Variants in IPO9 observed in about 807,000 individuals in gnomAD.
The protein encoded by IPO9 is importin 9.
Under a neutral mutation model 128.6 loss-of-function variants are expected in IPO9, and 28 were observed. That is an observed-to-expected ratio of 0.22 (90% CI 0.16 to 0.30). The LOEUF (loss-of-function observed/expected upper bound fraction) is 0.30. IPO9 is among the 10% of genes least tolerant of loss of function. IPO9 has a pLI of 1.00. For missense variants in IPO9, 935 were observed against 1,293.9 expected, an observed-to-expected ratio of 0.72 and a Z score of 4.26; for synonymous variants, 455 against 475.8, an observed-to-expected ratio of 0.96 and a Z score of 0.57.
intron 1 of IPO9, among the ~76,000 whole-genome samples, chr1:201,832,113 G>A (rs1282417771): frequency 6.6e-6 from 1 of 151,516 alleles, no homozygotes; most frequent in Non-Finnish European, 1.5e-5. Flanking sequence ...TGTTGGCCAG[G>A]TTGTCTCGAA....
rs756455517 is a variant in IPO9, at chr1:201,872,818, TC to T, written c.2577-8del. 52 of 1,604,352 alleles carry T rather than the reference TC, an allele frequency of 3.2e-5. No individual in the cohort carries two copies. Among genetic ancestry groups the T allele is most frequent in the Non-Finnish European group, 4.1e-5 (48 of 1,175,462 alleles). On this transcript the variant is annotated splice_polypyrimidine_tract_variant and intron_variant, in intron 19 of 23. Coordinates refer to ENST00000361565, the MANE Select transcript of IPO9 (RefSeq NM_018085.5). The stretch of plus-strand genomic sequence containing the variant: ...GGCTGATTGACCTTTTTTTGGATCT[TC>T]CTTGCCAGCTCTGTGGCACTCTGTA...
At chr1:201,866,666 G>GT in intron 14 of IPO9, 67 bp from the exon 15 acceptor site, 1 of 1,206,602 alleles carries the variant, frequency 8.3e-7, no homozygotes, top group Non-Finnish European at 1.2e-6. Context: ...TATAATATGT[G>GT]AGATTGATTG....
At chr1:201,839,765 A>C (rs1363237334) in intron 1 of IPO9, among the ~76,000 whole-genome samples, 2 of 152,086 alleles carry the variant, frequency 1.3e-5, no homozygotes, top group African/African-American at 4.8e-5. Flanking sequence ...TCTAAATATG[A>C]CTCAAGATCC....
In IPO9 at chr1:201,829,157, G is replaced by A; in HGVS notation, c.-53G>A. ...CGCGGATTGGCCGCGCGCGGGGGCC[G>A]TCATTCGGTGGCGGGTCCCGGCCGC... is the stretch of plus-strand genomic sequence containing the variant. On this transcript the variant is annotated 5_prime_UTR_variant, in exon 1 of 24. Coordinates refer to ENST00000361565, the MANE Select transcript of IPO9 (RefSeq NM_018085.5). 7.1e-7 allele frequency: 1 copy of A among 1,403,810 alleles called. No individual in the cohort carries two copies. The highest frequency in any genetic ancestry group is 9.2e-7 in the Non-Finnish European group (1 of 1,083,480). The allele number at this position is 1,403,810 out of a possible 1,614,324, so 87.0% of individuals were successfully genotyped here. A position where few individuals can be genotyped will look rare whatever the true frequency, so the allele number is the denominator to read the frequency against.
Position 201,884,170 on chromosome 1 carries a change from G to A in IPO9, c.*8116G>A, listed in dbSNP as rs1396402657. The A allele has an allele frequency of 6.6e-6, 1 of 152,240 alleles. No individual in the cohort carries two copies. The highest frequency in any genetic ancestry group is 1.5e-5 in the Non-Finnish European group (1 of 68,054). 9.4% of individuals were successfully genotyped at this position (152,240 alleles called of 1,614,324 possible). On this transcript the variant is annotated 3_prime_UTR_variant, in exon 24 of 24. Transcript: ENST00000361565. ...CCCTGGCTTTGCCACTTGCCTGTTG[G>A]GTGACTTTGGACAAGCTGCTTAAAT...
chr1:201,832,166 G>T (rs1426217013), intron 1 of IPO9, among the ~76,000 whole-genome samples: 1 of 151,928 alleles, frequency 6.6e-6, no homozygotes, highest in Non-Finnish European at 1.5e-5. Context: ...CTCCCAAAGT[G>T]CTGGGATTAC....
chr1:201,853,132 G>A, intron 6 of IPO9, 35 bp downstream of exon 6: 1 of 1,568,522 alleles, frequency 6.4e-7, no homozygotes, highest in Non-Finnish European at 8.8e-7. Context: ...CAGACTTCAT[G>A]CTTAAAAGTT....
At chr1:201,861,059 A>G (rs983417334) in intron 13 of IPO9, among the ~76,000 whole-genome samples, 20 of 152,130 alleles carry the variant, frequency 1.3e-4, no homozygotes, top group Admixed American at 1.2e-3. Context: ...CCAGCTACTC[A>G]GGAGGCTGAG....
Position 201,852,409 on chromosome 1 carries a change from A to G in IPO9, c.603+217A>G, listed in dbSNP as rs944995153. On this transcript the variant is annotated intron_variant, in intron 5 of 23. Coordinates refer to ENST00000361565, the MANE Select transcript of IPO9 (RefSeq NM_018085.5). ...TGAAATAGCTGAAATATTTCTTCACATATCGTACTTCCTGGCATCCAGTAG... is the reference window on the plus strand; with the variant it reads ...TGAAATAGCTGAAATATTTCTTCACGTATCGTACTTCCTGGCATCCAGTAG... Among the ~76,000 whole-genome samples, 3 of 152,348 alleles carry G rather than the reference A, an allele frequency of 2.0e-5. No homozygotes were observed. In the East Asian group the frequency reaches 5.8e-4, roughly 29 times the overall value.
chr1:201,864,778 T>C (rs1265144007), intron 14 of IPO9, among the ~76,000 whole-genome samples: 8 of 152,374 alleles, frequency 5.3e-5, no homozygotes, highest in African/African-American at 1.9e-4. Flanking sequence ...ACTTTCATTC[T>C]CTGTTATATA....
In IPO9 at chr1:201,854,681, A is replaced by G. The variant is rs1262718010; in HGVS notation, c.777A>G (p.Thr259=). The part of the protein sequence containing the change: ...VQALQIPDGP[T]SDSGFKMEVL... ...CCCTCCAGATACCAGATGGCCCCACATCTGACAGTGGGTTTAAGATGGAGG... is the reference window on the plus strand; with the variant it reads ...CCCTCCAGATACCAGATGGCCCCACGTCTGACAGTGGGTTTAAGATGGAGG... The change falls in exon 7 of 24, where the codon ACA becomes ACG. Residue 259 remains threonine, a synonymous_variant. Coordinates refer to ENST00000361565, the MANE Select transcript of IPO9 (RefSeq NM_018085.5). 2.5e-6 allele frequency: 4 copies of G among 1,614,248 alleles called. No individual in the cohort carries two copies. Among genetic ancestry groups the G allele is most frequent in the Non-Finnish European group, 1.7e-6 (2 of 1,180,034 alleles).
At chr1:201,866,244 GC>G (rs1000633569) in intron 14 of IPO9, among the ~76,000 whole-genome samples, 1 of 151,906 alleles carries the variant, frequency 6.6e-6, no homozygotes, top group Non-Finnish European at 1.5e-5. Context: ...ACCTGCCTTG[GC>G]CCCCCAAAGT....
rs186044304 is a variant in IPO9, at chr1:201,881,033, T to G, written c.*4979T>G. On this transcript the variant is annotated 3_prime_UTR_variant, in exon 24 of 24. Coordinates refer to ENST00000361565, the MANE Select transcript of IPO9 (RefSeq NM_018085.5). ...TGGGTTTATTGGGATGTAGCCCCAT[T>G]ATAAGCTGAAAAGCATCTGTAGTAT... The G allele has an allele frequency of 9.2e-5, 14 of 152,334 alleles. No individual in the cohort carries two copies. Among genetic ancestry groups the G allele is most frequent in the Non-Finnish European group, 1.5e-4 (10 of 68,032 alleles). The allele number at this position is 152,334 out of a possible 1,614,324, so 9.4% of individuals were successfully genotyped here.
In IPO9 at chr1:201,848,676, C is replaced by G. The variant is rs1680163029; in HGVS notation, c.514+82C>G. The G allele has an allele frequency of 4.4e-6, 6 of 1,358,918 alleles. No homozygotes were observed. The South Asian group carries it at 7.2e-5, about 16-fold the overall frequency. 84.2% of individuals were successfully genotyped at this position (1,358,918 alleles called of 1,614,324 possible). On this transcript the variant is annotated intron_variant, in intron 4 of 23. Transcript: ENST00000361565. The stretch of plus-strand genomic sequence containing the variant: ...TACCAGAAGCTATGTGATATAATGG[C>G]CTGGACCAGTAGGAATTGCTGCTGA...
chr1:201,833,491 G>A lies in IPO9; in HGVS notation c.163+4119G>A, dbSNP rs969797493. ...TGACCTCAGGTGATCCACCCACCTT[G>A]CCCTCCCAAAGTGCTAGGATTACAG... On this transcript the variant is annotated intron_variant, in intron 1 of 23. Transcript: ENST00000361565. 5.3e-5 allele frequency among the ~76,000 whole-genome samples: 8 copies of A among 152,120 alleles called. No individual in the cohort carries two copies. In the East Asian group the frequency reaches 1.5e-3, roughly 29 times the overall value.
intron 3 of IPO9, 101 bp from the exon 4 acceptor site, chr1:201,848,292 C>A: frequency 1.0e-6 from 1 of 965,214 alleles, no homozygotes; most frequent in Non-Finnish European, 1.7e-6. Flanking sequence ...ACATGCAGTA[C>A]CTTGTACTCA....
At chr1:201,839,466 C>A (rs1679997344) in intron 1 of IPO9, among the ~76,000 whole-genome samples, 1 of 147,194 alleles carries the variant, frequency 6.8e-6, no homozygotes, top group Admixed American at 7.1e-5. Flanking sequence ...GAGGCTGAGG[C>A]AGGAGAATGG....
At chr1:201,856,274 T>A (rs1400305295) in intron 10 of IPO9, among the ~76,000 whole-genome samples, 2 of 151,920 alleles carry the variant, frequency 1.3e-5, no homozygotes, top group Non-Finnish European at 2.9e-5. Flanking sequence ...CCTGGCCCAC[T>A]TTTGCCATTA....
Position 201,882,689 on chromosome 1 carries a change from C to T in IPO9, c.*6635C>T, listed in dbSNP as rs971750487. 6 of 152,188 alleles carry T rather than the reference C, an allele frequency of 3.9e-5. No homozygotes were observed. Among genetic ancestry groups the T allele is most frequent in the Non-Finnish European group, 8.8e-5 (6 of 68,038 alleles). The allele number at this position is 152,188 out of a possible 1,614,324, so 9.4% of individuals were successfully genotyped here. A position where few individuals can be genotyped will look rare whatever the true frequency, so the allele number is the denominator to read the frequency against. ...AAGCAATGAGGAACTACTGGCCTGA[C>T]TAGGAGGCCTAGAAGTCCCTCCCAG... On this transcript the variant is annotated 3_prime_UTR_variant, in exon 24 of 24. Coordinates refer to ENST00000361565, the MANE Select transcript of IPO9 (RefSeq NM_018085.5).
Sources: gnomAD v4.1 joint callset for allele counts (sites outside exome capture counted in the v4.1 genomes callset) on GRCh38, gnomAD v4.1.1 for gene constraint, MANE v1.5 for transcripts, NCBI Gene and HGNC (gene_info 2026-07-23, HGNC 2026-07-21) for gene names.